RADX: variants seen among roughly 807,000 people sequenced by gnomAD.
RADX encodes the protein RPA-related protein RADX.
Under a neutral mutation model 61.6 loss-of-function variants are expected in RADX, and 36 were observed. That is an observed-to-expected ratio of 0.58 (90% confidence interval 0.45 to 0.77). The LOEUF is 0.77. Ranked by LOEUF, RADX falls within the 30% of genes least tolerant of loss-of-function variation. The pLI is 0.00. For synonymous variants in RADX, 272 were observed against 237.9 expected, an observed-to-expected ratio of 1.14 and a Z score of -1.32; for missense variants, 497 against 651.1, an observed-to-expected ratio of 0.76 and a Z score of 2.58.
intron 12 of RADX, among the ~76,000 whole-genome samples, chrX:106,665,656 A>G (rs1487888509): frequency 1.8e-5 from 2 of 110,423 alleles, no homozygotes; most frequent in Non-Finnish European, 3.8e-5. Context: ...CCAAGCATGA[A>G]GATTGTCTAA....
At chrX:106,652,938 AT>A (rs1342788903) in intron 11 of RADX, among the ~76,000 whole-genome samples, 8 of 103,558 alleles carry the variant, frequency 7.7e-5, no homozygotes. Flanking sequence ...GTGAGCCAAA[AT>A]TGCACCACTG....
At chrX:106,615,097 C>G (rs891829165) in intron 1 of RADX, among the ~76,000 whole-genome samples, 1 of 111,808 alleles carries the variant, frequency 8.9e-6, no homozygotes, top group Non-Finnish European at 1.9e-5. Flanking sequence ...TCTCAGGTGG[C>G]TCCCATTGCA....
chrX:106,648,638 ATT>A (rs34952915), intron 11 of RADX, among the ~76,000 whole-genome samples: 12,189 of 110,997 alleles, frequency 0.11, 1,629 homozygotes, highest in African/African-American at 0.38. Flanking sequence ...CAAATGTACT[ATT>A]TTTAATAGAA....
At chrX:106,650,333 A>G (rs1440370562) in intron 11 of RADX, among the ~76,000 whole-genome samples, 2 of 110,727 alleles carry the variant, frequency 1.8e-5, no homozygotes, top group African/African-American at 6.6e-5. Context: ...TCAAGACCCT[A>G]AGGTCTAGAC....
intron 1 of RADX, among the ~76,000 whole-genome samples, chrX:106,617,123 C>G (rs986771995): frequency 2.0e-5 from 2 of 100,795 alleles, no homozygotes; most frequent in East Asian, 6.3e-4. Context: ...CCCGGGTTCT[C>G]CAGCAGCGAT....
At chrX:106,664,844 C>G (rs1360214453) in intron 12 of RADX, among the ~76,000 whole-genome samples, 1 of 110,193 alleles carries the variant, frequency 9.1e-6, no homozygotes, top group Admixed American at 9.7e-5. Context: ...AGAGATAATT[C>G]CACTGCCAAG....
At chrX:106,621,429 T>C (rs1167984526) in intron 1 of RADX, among the ~76,000 whole-genome samples, 2 of 112,074 alleles carry the variant, frequency 1.8e-5, no homozygotes, top group African/African-American at 6.5e-5. Context: ...GAAATACTCG[T>C]ACTAATGCAG....
At chrX:106,677,927 G>A (rs1928548730) in intron 13 of RADX, among the ~76,000 whole-genome samples, 1 of 110,584 alleles carries the variant, frequency 9.0e-6, no homozygotes, top group Non-Finnish European at 1.9e-5. Flanking sequence ...CAGTTTTGGT[G>A]TATCTGTTTG....
At chrX:106,638,031 A>G in intron 8 of RADX, 107 bp downstream of exon 8, 3 of 618,177 alleles carry the variant, frequency 4.9e-6, no homozygotes, top group Middle Eastern at 4.5e-4. Context: ...GGAGTGATCT[A>G]AAGTTTAGCA....
chrX:106,657,420 A>G (rs1927968892), intron 11 of RADX, among the ~76,000 whole-genome samples: 1 of 112,270 alleles, frequency 8.9e-6, no homozygotes, highest in Non-Finnish European at 1.9e-5. Flanking sequence ...TCATGTGTTC[A>G]CTAGAATAGC....
chrX:106,641,151 T>C (rs1418687337), intron 10 of RADX, among the ~76,000 whole-genome samples: 1 of 110,668 alleles, frequency 9.0e-6, no homozygotes, highest in Non-Finnish European at 1.9e-5. Flanking sequence ...CAGTATGACG[T>C]CATCTTTATC....
intron 10 of RADX, among the ~76,000 whole-genome samples, chrX:106,643,132 T>C (rs769181263): frequency 8.9e-6 from 1 of 111,779 alleles, no homozygotes; most frequent in East Asian, 2.8e-4. Context: ...ATACCTTCTT[T>C]TGAGAAACGT....
intron 11 of RADX, among the ~76,000 whole-genome samples, chrX:106,654,123 C>T (rs1430710442): frequency 9.0e-6 from 1 of 111,569 alleles, no homozygotes; most frequent in East Asian, 2.8e-4. Context: ...CTGTCTTCCA[C>T]AATGGTTGAA....
chrX:106,623,110 TA>T (rs374785421), intron 2 of RADX, among the ~76,000 whole-genome samples: 9 of 111,057 alleles, frequency 8.1e-5, no homozygotes, highest in African/African-American at 2.9e-4. Context: ...GTCTCCCATT[TA>T]AAAAAAGAAA....
chrX:106,656,668 G>A (rs769649066), intron 11 of RADX, among the ~76,000 whole-genome samples: 17 of 111,754 alleles, frequency 1.5e-4, no homozygotes, highest in Non-Finnish European at 2.3e-4. Flanking sequence ...ATGGAACTCC[G>A]TCAGAGCTCC....
At chrX:106,624,575 A>G (rs1927034265) in intron 2 of RADX, among the ~76,000 whole-genome samples, 1 of 111,747 alleles carries the variant, frequency 8.9e-6, no homozygotes, top group Non-Finnish European at 1.9e-5. Flanking sequence ...GAATTAGTAA[A>G]GGATTTACCT....
chrX:106,640,507 A>C (rs1489261237), intron 9 of RADX, 45 bp from the exon 10 acceptor site: 1 of 945,943 alleles, frequency 1.1e-6, no homozygotes, highest in Admixed American at 3.3e-5. Context: ...GAGATTAATA[A>C]TTGTGAATTA....
chrX:106,653,712 A>G (rs776396580), intron 11 of RADX, among the ~76,000 whole-genome samples: 73 of 109,812 alleles, frequency 6.6e-4, no homozygotes, highest in African/African-American at 2.0e-3. Context: ...ACAGGCCCCA[A>G]TGTGTGATGT....
intron 11 of RADX, among the ~76,000 whole-genome samples, chrX:106,652,204 T>A (rs1249410352): frequency 9.0e-6 from 1 of 111,225 alleles, no homozygotes; most frequent in Non-Finnish European, 1.9e-5. Flanking sequence ...TCCTAGCTAC[T>A]CAGGAAGCTG....
Sources: gnomAD v4.1 joint callset for allele counts (sites outside exome capture counted in the v4.1 genomes callset) on GRCh38, gnomAD v4.1.1 for gene constraint, MANE v1.5 for transcripts, NCBI Gene and HGNC (gene_info 2026-07-23, HGNC 2026-07-21) for gene names.